ENTPD5: variants seen among roughly 807,000 people sequenced by gnomAD.
ENTPD5 encodes nucleoside diphosphate phosphatase ENTPD5.
In ENTPD5, 49 loss-of-function variants were observed where a neutral mutation model predicts 60.2. The observed-to-expected ratio is 0.81, with a 90% CI of 0.65 to 1.03. The LOEUF is 1.03. ENTPD5 is among the 50% of genes least tolerant of loss of function. ENTPD5 has a pLI of 0.00. For synonymous variants in ENTPD5, 187 were observed against 185.4 expected (o/e 1.01, Z -0.07); for missense variants, 480 against 507.6 (o/e 0.95, Z 0.52).
intron 3 of ENTPD5, among the ~76,000 whole-genome samples, chr14:74,008,616 C>T (rs1046107979): frequency 1.3e-5 from 2 of 151,894 alleles, no homozygotes; most frequent in African/African-American, 4.8e-5. Context: ...AGGAGGGTCT[C>T]GATCTCCTGA....
intron 3 of ENTPD5, among the ~76,000 whole-genome samples, chr14:73,994,610 G>A (rs1279466978): frequency 6.6e-6 from 1 of 151,676 alleles, no homozygotes; most frequent in Admixed American, 6.6e-5. Flanking sequence ...GCAGGCACCT[G>A]TAATCCCAAC....
At chr14:73,982,529 G>A (rs1424482561) in intron 6 of ENTPD5, among the ~76,000 whole-genome samples, 3 of 152,020 alleles carry the variant, frequency 2.0e-5, no homozygotes, top group Admixed American at 2.0e-4. Context: ...GGCTGAGGCG[G>A]GCAGATCACG....
intron 2 of ENTPD5, among the ~76,000 whole-genome samples, 169 bp downstream of exon 2, chr14:74,015,655 A>G (rs2058996210): frequency 6.6e-6 from 1 of 152,108 alleles, no homozygotes; most frequent in Non-Finnish European, 1.5e-5. Context: ...GACCAGCCAG[A>G]AATTCTATCT....
chr14:73,975,987 T>G lies in ENTPD5; in HGVS notation c.671A>C (p.Tyr224Ser). Residue 224 changes from tyrosine to serine, a missense_variant, in exon 10 of 16, where the codon TAC (tyrosine) becomes TCC (serine). Transcript: ENST00000334696. ...EKTLEQTPRGYLTSFEMFNST... is the reference protein window; with the variant it reads ...EKTLEQTPRGSLTSFEMFNST... Reference sequence around the variant, plus strand: ...GTTAAACATCTCAAAGGAAGTGAGGTAGCCCCTAGGAGTTTGTTCCAGAGT... The same window carrying G: ...GTTAAACATCTCAAAGGAAGTGAGGGAGCCCCTAGGAGTTTGTTCCAGAGT... 6.2e-7 allele frequency: 1 copy of G among 1,613,624 alleles called. No homozygotes were observed. Among genetic ancestry groups the G allele is most frequent in the African/African-American group, 1.3e-5 (1 of 75,022 alleles).
intron 3 of ENTPD5, among the ~76,000 whole-genome samples, chr14:74,006,266 T>C (rs2058675481): frequency 6.6e-6 from 1 of 150,996 alleles, no homozygotes; most frequent in South Asian, 2.1e-4. Flanking sequence ...ATTACAGGCA[T>C]TAGCCACCTC....
At chr14:73,990,176 C>T (rs112272300) in intron 3 of ENTPD5, among the ~76,000 whole-genome samples, 3,789 of 152,090 alleles carry the variant, frequency 0.025, 165 homozygotes, top group African/African-American at 0.087. Context: ...CAAAGCAAGA[C>T]CCTGTCTCTA....
At chr14:73,961,050 C>A (rs2056698554), downstream of ENTPD5, 2 of 1,098,136 alleles carry the variant, frequency 1.8e-6, no homozygotes, top group Admixed American at 2.0e-5. Flanking sequence ...TTGTCAAGAT[C>A]AGTGTAGGCA....
intron 14 of ENTPD5, among the ~76,000 whole-genome samples, chr14:73,970,510 G>GAGA (rs1234037156): frequency 1.3e-5 from 2 of 151,986 alleles, no homozygotes; most frequent in Non-Finnish European, 2.9e-5. Flanking sequence ...AAGGTAGGGG[G>GAGA]AGAAGAAGAA....
intron 14 of ENTPD5, among the ~76,000 whole-genome samples, chr14:73,970,887 A>G (rs1435070786): frequency 1.3e-5 from 2 of 151,808 alleles, no homozygotes; most frequent in Non-Finnish European, 1.5e-5. Context: ...GTGCAGTGGC[A>G]TGATCACAGC....
intron 3 of ENTPD5, among the ~76,000 whole-genome samples, chr14:74,005,896 C>A (rs2058666470): frequency 6.6e-6 from 1 of 152,146 alleles, no homozygotes; most frequent in Non-Finnish European, 1.5e-5. Flanking sequence ...TGTTATAGTC[C>A]TAATATTTTA....
chr14:73,990,007 A>T (rs920353211), intron 3 of ENTPD5, among the ~76,000 whole-genome samples: 8 of 151,478 alleles, frequency 5.3e-5, no homozygotes, highest in African/African-American at 1.9e-4. Flanking sequence ...ACTTCGTCTC[A>T]AAAAAAATAA....
At chr14:73,999,439 G>A (rs1359053853) in intron 3 of ENTPD5, among the ~76,000 whole-genome samples, 2 of 151,870 alleles carry the variant, frequency 1.3e-5, no homozygotes, top group Non-Finnish European at 2.9e-5. Context: ...AGTGAGCCAA[G>A]ATCACAGGAT....
chr14:73,976,792 G>A (rs1481906690), intron 8 of ENTPD5, among the ~76,000 whole-genome samples: 1 of 152,120 alleles, frequency 6.6e-6, no homozygotes, highest in Non-Finnish European at 1.5e-5. Flanking sequence ...TTTTGGTAGA[G>A]ACGGAGTTTC....
At chr14:73,999,548 C>T (rs1483977063) in intron 3 of ENTPD5, among the ~76,000 whole-genome samples, 2 of 152,048 alleles carry the variant, frequency 1.3e-5, no homozygotes, top group Non-Finnish European at 2.9e-5. Flanking sequence ...GTAATCCCAG[C>T]ACTTTGGGAG....
downstream of ENTPD5, chr14:73,962,887 TACC>T: frequency 8.7e-7 from 1 of 1,153,374 alleles, no homozygotes; most frequent in Non-Finnish European, 1.3e-6. Context: ...TTGGGAAGAA[TACC>T]TACGTGATTA....
Position 74,003,455 on chromosome 14 carries a change from G to A in ENTPD5, c.-71+7636C>T. 4 of 1,416,046 alleles carry A rather than the reference G, an allele frequency of 2.8e-6. No individual in the cohort carries two copies. In the South Asian group the frequency reaches 4.9e-5, roughly 17 times the overall value. The allele number at this position is 1,416,046 out of a possible 1,614,324, so 87.7% of individuals were successfully genotyped here. On this transcript the variant is annotated intron_variant, in intron 3 of 15. Coordinates refer to ENST00000334696, the MANE Select transcript of ENTPD5 (RefSeq NM_001249.5). ...GTCTGAAGCACAAAAGAAGAAAGAT[G>A]AGGCAGAGGTCCAAGTAAACCGCTA...
chr14:73,980,846 C>G (rs1045434282), intron 6 of ENTPD5, among the ~76,000 whole-genome samples: 1 of 152,082 alleles, frequency 6.6e-6, no homozygotes, highest in Non-Finnish European at 1.5e-5. Flanking sequence ...GCCTGTAATC[C>G]CAGTACTTTG....
chr14:73,964,104 C>G lies in ENTPD5; in HGVS notation c.*2824G>C, dbSNP rs2056875530. ...TCTTTCACAAAAAATGGAAAGGTGG[C>G]CTAGATGAGGAGGACACAGACTCTC... On this transcript the variant is annotated 3_prime_UTR_variant, in exon 16 of 16. Coordinates refer to ENST00000334696, the MANE Select transcript of ENTPD5 (RefSeq NM_001249.5). The G allele has an allele frequency of 6.6e-6, 1 of 152,038 alleles. No individual in the cohort carries two copies. Among genetic ancestry groups the G allele is most frequent in the Non-Finnish European group, 1.5e-5 (1 of 67,998 alleles). 9.4% of individuals were successfully genotyped at this position (152,038 alleles called of 1,614,324 possible).
chr14:73,982,875 T>C (rs2057749098), intron 6 of ENTPD5, 143 bp downstream of exon 6: 2 of 761,326 alleles, frequency 2.6e-6, no homozygotes, highest in South Asian at 2.3e-5. Context: ...CAACTAGCTA[T>C]AACAAGTGGT....
Sources: gnomAD v4.1 joint callset for allele counts (sites outside exome capture counted in the v4.1 genomes callset) on GRCh38, gnomAD v4.1.1 for gene constraint, MANE v1.5 for transcripts, NCBI Gene and HGNC (gene_info 2026-07-23, HGNC 2026-07-21) for gene names.